TLE4: variants seen among roughly 807,000 people sequenced by gnomAD.
TLE4 encodes TLE family member 4, transcriptional corepressor.
Under a neutral mutation model 92.8 loss-of-function variants are expected in TLE4, and 8 were observed. The observed-to-expected ratio is 0.09, with a 90% CI of 0.05 to 0.16. The LOEUF (loss-of-function observed/expected upper bound fraction) is 0.16. TLE4 is among the 10% of genes least tolerant of loss of function. TLE4 has a pLI of 1.00. For synonymous variants in TLE4, 371 were observed against 374.1 expected (o/e 0.99, Z 0.10); for missense variants, 675 against 997.6 (o/e 0.68, Z 4.36).
At chr9:79,670,325 G>A (rs2062092792) in intron 8 of TLE4, among the ~76,000 whole-genome samples, 1 of 151,964 alleles carries the variant, frequency 6.6e-6, no homozygotes. Context: ...TGAGACCCTG[G>A]GCAAAAGCAC....
At chr9:79,640,705 C>T (rs1296854648) in intron 6 of TLE4, among the ~76,000 whole-genome samples, 1 of 152,240 alleles carries the variant, frequency 6.6e-6, no homozygotes, top group East Asian at 1.9e-4. Flanking sequence ...ACTGCCACAA[C>T]CCTAACTGAA....
At chr9:79,573,421 C>A (rs934191794) in intron 1 of TLE4, 12 of 1,188,062 alleles carry the variant, frequency 1.0e-5, no homozygotes, top group Non-Finnish European at 1.3e-5. Flanking sequence ...CTGTCTTTGG[C>A]CGGGGAGGGG....
At chr9:79,710,937 T>C (rs1401124141) in intron 14 of TLE4, among the ~76,000 whole-genome samples, 2 of 152,196 alleles carry the variant, frequency 1.3e-5, no homozygotes, top group African/African-American at 4.8e-5. Context: ...AGGGAATGGA[T>C]ATGTGCTGAT....
chr9:79,688,458 T>C (rs1191829569), intron 8 of TLE4, among the ~76,000 whole-genome samples: 1 of 152,160 alleles, frequency 6.6e-6, no homozygotes, highest in East Asian at 1.9e-4. Context: ...CTTGTTGCTG[T>C]CAGTGCAGTT....
chr9:79,645,576 T>C (rs1034687569), intron 6 of TLE4, among the ~76,000 whole-genome samples: 3 of 152,172 alleles, frequency 2.0e-5, no homozygotes, highest in Non-Finnish European at 4.4e-5. Context: ...AATTCTATTC[T>C]CCAGTGGTCC....
chr9:79,634,907 G>A (rs983525020), intron 6 of TLE4, among the ~76,000 whole-genome samples: 1 of 152,146 alleles, frequency 6.6e-6, no homozygotes, highest in Non-Finnish European at 1.5e-5. Context: ...ACAGTTGGTT[G>A]AATAAAGCCA....
chr9:79,708,528 T>C, intron 12 of TLE4, 65 bp from the exon 13 acceptor site: 1 of 1,446,014 alleles, frequency 6.9e-7, no homozygotes, highest in Non-Finnish European at 9.4e-7. Flanking sequence ...TGTGACATGT[T>C]TACAAATGTC....
intron 4 of TLE4, among the ~76,000 whole-genome samples, chr9:79,589,141 C>A (rs2041932168): frequency 6.6e-6 from 1 of 152,176 alleles, no homozygotes; most frequent in Non-Finnish European, 1.5e-5. Context: ...CTCAGAAACT[C>A]TGCTCCAGAG....
At chr9:79,608,509 T>A (rs2132925833) in intron 4 of TLE4, among the ~76,000 whole-genome samples, 1 of 152,176 alleles carries the variant, frequency 6.6e-6, no homozygotes, top group Non-Finnish European at 1.5e-5. Context: ...TAAAAAATGT[T>A]GATATTAAAG....
At chr9:79,578,942 CA>C (rs11322127) in intron 4 of TLE4, among the ~76,000 whole-genome samples, 19,157 of 101,020 alleles carry the variant, frequency 0.19, 1,286 homozygotes, top group African/African-American at 0.27. Flanking sequence ...GCAGATGAAG[CA>C]AAAAAAAAAA....
chr9:79,625,703 C>G (rs909173114), intron 5 of TLE4, among the ~76,000 whole-genome samples: 7 of 151,984 alleles, frequency 4.6e-5, no homozygotes, highest in African/African-American at 1.7e-4. Context: ...TTAGGGGAAC[C>G]TGAAATGACA....
intron 8 of TLE4, among the ~76,000 whole-genome samples, chr9:79,657,767 T>C (rs564745401): frequency 2.0e-4 from 30 of 152,156 alleles, no homozygotes; most frequent in Non-Finnish European, 4.1e-4. Context: ...CAATATCAGG[T>C]AGCAAAAAAT....
At chr9:79,684,481 CTAT>C (rs2065384523) in intron 8 of TLE4, among the ~76,000 whole-genome samples, 1 of 151,746 alleles carries the variant, frequency 6.6e-6, no homozygotes, top group Non-Finnish European at 1.5e-5. Flanking sequence ...ATGCAGGGAT[CTAT>C]TGTGAACTGT....
chr9:79,621,321 G>A (rs2050914931), intron 5 of TLE4, among the ~76,000 whole-genome samples: 1 of 152,160 alleles, frequency 6.6e-6, no homozygotes, highest in African/African-American at 2.4e-5. Flanking sequence ...GGATGAGTGG[G>A]CTAGAGCCCA....
chr9:79,635,848 C>T (rs2055645033), intron 6 of TLE4, among the ~76,000 whole-genome samples: 1 of 152,148 alleles, frequency 6.6e-6, no homozygotes, highest in Admixed American at 6.6e-5. Flanking sequence ...CAGTACTCCT[C>T]AGCACTTCAG....
At chr9:79,696,427 T>C (rs1039726311) in intron 8 of TLE4, among the ~76,000 whole-genome samples, 2 of 152,210 alleles carry the variant, frequency 1.3e-5, no homozygotes, top group African/African-American at 2.4e-5. Flanking sequence ...TGTGGTGATA[T>C]GAAGAAGACC....
chr9:79,710,936 A>C (rs1339176043), intron 14 of TLE4, among the ~76,000 whole-genome samples: 1 of 152,052 alleles, frequency 6.6e-6, no homozygotes, highest in Non-Finnish European at 1.5e-5. Context: ...CAGGGAATGG[A>C]TATGTGCTGA....
intron 5 of TLE4, among the ~76,000 whole-genome samples, chr9:79,618,143 T>TTA (rs1398646822): frequency 6.6e-6 from 1 of 152,158 alleles, no homozygotes; most frequent in Non-Finnish European, 1.5e-5. Flanking sequence ...CCCCTAAAAC[T>TTA]TACACCAGTG....
intron 4 of TLE4, 104 bp from the exon 5 acceptor site, chr9:79,612,552 G>T (rs1275143659): frequency 1.4e-5 from 15 of 1,093,038 alleles, no homozygotes; most frequent in Non-Finnish European, 2.0e-5. Flanking sequence ...AAATATGCCA[G>T]CCAAATTATA....
Sources: allele counts gnomAD v4.1 joint callset (sites outside exome capture counted in the v4.1 genomes callset), GRCh38; gene constraint gnomAD v4.1.1; transcripts MANE v1.5; gene names NCBI Gene and HGNC (gene_info 2026-07-23, HGNC 2026-07-21).